The following UVSSA variants were observed in gnomAD, a reference collection of about 807,000 sequenced individuals.
The protein encoded by UVSSA is UV stimulated scaffold protein A.
In UVSSA, 72 loss-of-function variants were observed where a neutral mutation model predicts 73.9. The ratio of observed to expected loss-of-function variants is 0.97; its 90% CI spans 0.81 to 1.19. The LOEUF is 1.19. UVSSA is among the 50% of genes most tolerant of loss of function. The probability of loss-of-function intolerance (pLI) is 0.00; values close to 1 mark genes in which losing one functional copy is unlikely to be tolerated. For synonymous variants in UVSSA, 454 were observed against 391.3 expected (o/e 1.16, Z -1.89); for missense variants, 1,150 against 965.0 (o/e 1.19, Z -2.54).
At chr4:1,395,889 T>C (rs1577398048) in exon 14 of UVSSA, 1 of 1,595,100 alleles carries the variant, frequency 6.3e-7, no homozygotes, top group African/African-American at 1.3e-5. Context: ...AGAGGGTGTT[T>C]TTGTAAAATT....
intron 7 of UVSSA, among the ~76,000 whole-genome samples, chr4:1,363,444 G>C (rs1257205211): frequency 1.3e-5 from 2 of 152,192 alleles, no homozygotes; most frequent in African/African-American, 4.8e-5. Flanking sequence ...TGAAATTCAA[G>C]GGTGCGAACA....
In UVSSA at chr4:1,383,379, G is replaced by T. The variant is rs562933226; in HGVS notation, c.1862-387G>T. Among the ~76,000 whole-genome samples the T allele has an allele frequency of 2.0e-4, 31 of 152,292 alleles. No homozygotes were observed. In the East Asian group the frequency reaches 5.8e-3, roughly 29 times the overall value. Reference sequence around the variant, plus strand: ...GGTCCAGCCTGCAGGCAGGAAAGGAGCTTGCGGATGGTGCCACCCCCCAAC... The same window carrying T: ...GGTCCAGCCTGCAGGCAGGAAAGGATCTTGCGGATGGTGCCACCCCCCAAC... On this transcript the variant is annotated intron_variant, in intron 12 of 13. Coordinates refer to ENST00000389851, the MANE Select transcript of UVSSA (RefSeq NM_020894.4).
chr4:1,361,273 C>T (rs1440996146), intron 7 of UVSSA, among the ~76,000 whole-genome samples: 1 of 152,242 alleles, frequency 6.6e-6, no homozygotes, highest in Non-Finnish European at 1.5e-5. Flanking sequence ...CGAGGCCCAC[C>T]ATGCTGGCTG....
exon 14 of UVSSA, chr4:1,394,358 T>C: frequency 7.7e-7 from 1 of 1,301,068 alleles, no homozygotes; most frequent in South Asian, 1.5e-5. Context: ...AAAGATTATA[T>C]TTGAAATGTT....
At chr4:1,360,537 G>T (rs1005095774) in intron 7 of UVSSA, among the ~76,000 whole-genome samples, 4 of 152,192 alleles carry the variant, frequency 2.6e-5, no homozygotes, top group Non-Finnish European at 5.9e-5. Context: ...ATGTAAGTGC[G>T]CCTGACAAAC....
Position 1,360,158 on chromosome 4 carries a change from C to T in UVSSA, c.1176+4913C>T, listed in dbSNP as rs143018380. Reference sequence around the variant, plus strand: ...AAGGCCAAGCCGCTGTGTGCGCCACCGCATCCCAAGGGCTGCCCACGGGGG... The same window carrying T: ...AAGGCCAAGCCGCTGTGTGCGCCACTGCATCCCAAGGGCTGCCCACGGGGG... On this transcript the variant is annotated intron_variant, in intron 7 of 13. Coordinates refer to ENST00000389851, the MANE Select transcript of UVSSA (RefSeq NM_020894.4). 7.5e-3 allele frequency among the ~76,000 whole-genome samples: 1,142 copies of T among 152,370 alleles called. 5 individuals carry two copies. Among genetic ancestry groups the T allele is most frequent in the Non-Finnish European group, 0.014 (919 of 68,028 alleles).
rs377144806 is a variant in UVSSA at position 1,375,491 on chromosome 4, T to G, written c.1416T>G (p.Pro472=). 5.0e-6 allele frequency: 8 copies of G among 1,610,700 alleles called. No individual in the cohort carries two copies. The highest frequency in any genetic ancestry group is 6.8e-6 in the Non-Finnish European group (8 of 1,179,814). The change falls in exon 9 of 14, where the codon CCT becomes CCG. Residue 472 remains proline, a synonymous_variant. Transcript: ENST00000389851. Reference sequence around the variant, plus strand: ...TGCGGCAGCTCCGGGACCACTTGCCTCCACCCTCATCTGCCAGGTGACTCC... The same window carrying G: ...TGCGGCAGCTCCGGGACCACTTGCCGCCACCCTCATCTGCCAGGTGACTCC... ...AQLRQLRDHL[P]PPSSASPSRA...
At chr4:1,395,547 G>T (rs751786166) in exon 14 of UVSSA, 3 of 1,562,104 alleles carry the variant, frequency 1.9e-6, no homozygotes, top group Admixed American at 1.8e-5. Flanking sequence ...CTGCTCACAC[G>T]TGCCCATGTG....
At chr4:1,358,552 C>T (rs960216769) in intron 7 of UVSSA, 4 of 152,252 alleles carry the variant, frequency 2.6e-5, no homozygotes, top group African/African-American at 7.2e-5. Context: ...TTGGCGGGCT[C>T]GCCTAGCTCA....
Position 1,369,889 on chromosome 4 carries a change from C to T in UVSSA, c.1288+3458C>T, listed in dbSNP as rs755509289. Among the ~76,000 whole-genome samples, 5 of 152,252 alleles carry T rather than the reference C, an allele frequency of 3.3e-5. No individual in the cohort carries two copies. The South Asian group carries it at 8.3e-4, about 25-fold the overall frequency. ...TACTGGACTCGAGTGAGACGCCGTGCGGGCAAGGCGGGCGCCGCGTTCGGC... is the reference window on the plus strand; with the variant it reads ...TACTGGACTCGAGTGAGACGCCGTGTGGGCAAGGCGGGCGCCGCGTTCGGC... On this transcript the variant is annotated intron_variant, in intron 8 of 13. Transcript: ENST00000389851.
chr4:1,363,774 A>T (rs1485946604), intron 7 of UVSSA, among the ~76,000 whole-genome samples: 1 of 152,238 alleles, frequency 6.6e-6, no homozygotes, highest in Non-Finnish European at 1.5e-5. Context: ...AAAGAGTATA[A>T]TTGGGACGTT....
At chr4:1,372,092 A>G in intron 8 of UVSSA, among the ~76,000 whole-genome samples, 1 of 152,126 alleles carries the variant, frequency 6.6e-6, no homozygotes, top group East Asian at 1.9e-4. Context: ...TTTTACTTAA[A>G]ATCCAGCTTT....
At chr4:1,381,474 C>T (rs888810779) in intron 12 of UVSSA, among the ~76,000 whole-genome samples, 2 of 152,194 alleles carry the variant, frequency 1.3e-5, no homozygotes, top group African/African-American at 4.8e-5. Flanking sequence ...GTGCGGGTGC[C>T]CAGAGGCCCT....
chr4:1,383,487 T>C (rs1320524933), intron 12 of UVSSA, among the ~76,000 whole-genome samples: 1 of 152,160 alleles, frequency 6.6e-6, no homozygotes, highest in Non-Finnish European at 1.5e-5. Context: ...GCTCCCCATC[T>C]CTGGGCTGCA....
chr4:1,395,837 C>T (rs1327881976), exon 14 of UVSSA: 3 of 1,613,386 alleles, frequency 1.9e-6, no homozygotes, highest in Non-Finnish European at 8.5e-7. Context: ...TTTCTCTGCA[C>T]CTCGAGATAA....
chr4:1,361,319 A>G (rs755553762), intron 7 of UVSSA, among the ~76,000 whole-genome samples: 9 of 152,202 alleles, frequency 5.9e-5, no homozygotes, highest in Admixed American at 1.3e-4. Flanking sequence ...GAGCCTCATT[A>G]CTGGGAGTGA....
rs1050136080 is a variant in UVSSA, at chr4:1,383,797, G to A, written c.1893G>A (p.Val631=). Residue 631 remains valine (V), a synonymous_variant, in exon 13 of 14, where the codon GTG becomes GTA. Coordinates refer to ENST00000389851, the MANE Select transcript of UVSSA (RefSeq NM_020894.4). ...EWQDPELMRD[V]EAATGQDLGS... ...AGGACCCTGAGTTGATGAGAGACGT[G>A]GAAGCAGCCACAGGGCAGGATCTCG... The A allele has an allele frequency of 1.2e-6, 2 of 1,613,564 alleles. No homozygotes were observed. Among genetic ancestry groups the A allele is most frequent in the Middle Eastern group, 1.7e-4 (1 of 6,060 alleles).
rs750062383 is a variant in UVSSA at position 1,380,115 on chromosome 4, C to G, written c.1637C>G (p.Ser546Cys). ...VEEEVVNADI[S>C]EMLRSRHITF... is the part of the protein sequence containing the mutation. ...GAGGAAGTGGTCAATGCCGACATCTCCGAGATGCTCCGGAGCCGCCACATC... is the reference window on the plus strand; with the variant it reads ...GAGGAAGTGGTCAATGCCGACATCTGCGAGATGCTCCGGAGCCGCCACATC... Residue 546 changes from serine (S) to cysteine (C), a missense_variant, in exon 11 of 14, where the codon TCC becomes TGC. By Grantham distance (112) the Ser-to-Cys change is moderately radical. Transcript: ENST00000389851. 1 of 1,612,768 alleles carries G rather than the reference C, an allele frequency of 6.2e-7. No homozygotes were observed. The highest frequency in any genetic ancestry group is 1.3e-5 in the African/African-American group (1 of 74,946).
chr4:1,347,859 C>T (rs907445364), intron 1 of UVSSA, 99 bp downstream of exon 1: 3 of 508,374 alleles, frequency 5.9e-6, no homozygotes, highest in African/African-American at 5.8e-5. Context: ...GCGTCCCACA[C>T]ACGGGATTGT....
Sources: gnomAD v4.1 joint callset for allele counts (sites outside exome capture counted in the v4.1 genomes callset) on GRCh38, gnomAD v4.1.1 for gene constraint, MANE v1.5 for transcripts, NCBI Gene and HGNC (gene_info 2026-07-23, HGNC 2026-07-21) for gene names.